SDK1: variants seen among roughly 807,000 people sequenced by gnomAD.
SDK1 encodes protein sidekick-1.
Under a neutral mutation model 245.5 loss-of-function variants are expected in SDK1, and 157 were observed. The observed-to-expected ratio is 0.64, with a 90% CI of 0.56 to 0.73. SDK1 has a LOEUF of 0.73. Ranked by LOEUF, SDK1 falls within the 30% of genes least tolerant of loss-of-function variation. The pLI is 0.00. For synonymous variants in SDK1, 1,647 were observed against 1,278.5 expected, an observed-to-expected ratio of 1.29 and a Z score of -6.15; for missense variants, 3,583 against 3,002.3, an observed-to-expected ratio of 1.19 and a Z score of -4.52.
intron 4 of SDK1, among the ~76,000 whole-genome samples, chr7:3,798,518 A>T (rs1021874257): frequency 6.6e-6 from 1 of 151,898 alleles, no homozygotes; most frequent in Admixed American, 6.6e-5. Flanking sequence ...CACCCAGCCA[A>T]ACTTGACACT....
At chr7:3,742,182 C>G (rs1779497648) in intron 4 of SDK1, among the ~76,000 whole-genome samples, 1 of 151,018 alleles carries the variant, frequency 6.6e-6, no homozygotes, top group South Asian at 2.1e-4. Flanking sequence ...TCTTCCCTTT[C>G]CTCCCCAATG....
chr7:3,446,103 A>G (rs1780334164), intron 1 of SDK1, among the ~76,000 whole-genome samples: 1 of 152,080 alleles, frequency 6.6e-6, no homozygotes, highest in Non-Finnish European at 1.5e-5. Context: ...TTAGTTTCTA[A>G]TGAGAAATTC....
At chr7:3,376,801 A>G (rs1305388088) in intron 1 of SDK1, among the ~76,000 whole-genome samples, 1 of 152,154 alleles carries the variant, frequency 6.6e-6, no homozygotes, top group Non-Finnish European at 1.5e-5. Context: ...ATACTGTTAA[A>G]AAAAAATCCC....
chr7:3,690,792 C>T (rs1279364531), intron 4 of SDK1, among the ~76,000 whole-genome samples: 2 of 152,174 alleles, frequency 1.3e-5, no homozygotes, highest in Non-Finnish European at 2.9e-5. Flanking sequence ...TTAATAAAAA[C>T]CATATGACTT....
intron 5 of SDK1, among the ~76,000 whole-genome samples, chr7:3,947,930 AG>A (rs1780644624): frequency 2.0e-5 from 3 of 152,074 alleles, no homozygotes; most frequent in African/African-American, 4.8e-5. Flanking sequence ...CCTTAGGGAG[AG>A]GGGGTATGGT....
chr7:3,616,553 C>A (rs543008287), intron 1 of SDK1, among the ~76,000 whole-genome samples: 2 of 152,350 alleles, frequency 1.3e-5, no homozygotes, highest in African/African-American at 4.8e-5. Flanking sequence ...TCCTGCATTT[C>A]ATCTCATCGA....
intron 4 of SDK1, among the ~76,000 whole-genome samples, chr7:3,801,340 C>G (rs1779101608): frequency 6.6e-6 from 1 of 152,144 alleles, no homozygotes; most frequent in Admixed American, 6.5e-5. Context: ...TATTCTCTTT[C>G]CAATGTCATT....
intron 4 of SDK1, among the ~76,000 whole-genome samples, chr7:3,647,133 C>A (rs567640320): frequency 6.6e-6 from 1 of 152,192 alleles, no homozygotes; most frequent in Non-Finnish European, 1.5e-5. Context: ...CACCTGTACT[C>A]CCAGCGCTCT....
At chr7:3,413,322 C>G (rs549652501) in intron 1 of SDK1, among the ~76,000 whole-genome samples, 24 of 152,266 alleles carry the variant, frequency 1.6e-4, no homozygotes, top group African/African-American at 5.5e-4. Context: ...GGGCAGGGGT[C>G]AGACCAAGTA....
In SDK1 at chr7:4,113,317, G is replaced by C; in HGVS notation, c.3463G>C (p.Gly1155Arg). Residue 1155 changes from glycine (G) to arginine (R), a missense_variant, in exon 24 of 45, where the codon GGG becomes CGG. Physicochemically the swap from Gly to Arg is moderately radical, Grantham distance 125. Transcript: ENST00000404826. ...TCGAATGAAGCAAGTGAACATTGTTGGGCCGAGCCCCTACAGTCCGTCTTC... is the reference window on the plus strand; with the variant it reads ...TCGAATGAAGCAAGTGAACATTGTTCGGCCGAGCCCCTACAGTCCGTCTTC... ...RFRMKQVNIV[G>R]PSPYSPSSRV... 1 of 1,613,824 alleles carries C rather than the reference G, an allele frequency of 6.2e-7. No homozygotes were observed. Among genetic ancestry groups the C allele is most frequent in the Non-Finnish European group, 8.5e-7 (1 of 1,179,944 alleles).
intron 1 of SDK1, among the ~76,000 whole-genome samples, chr7:3,418,733 G>A (rs905779543): frequency 1.4e-4 from 22 of 152,162 alleles, no homozygotes; most frequent in Non-Finnish European, 2.8e-4. Context: ...ACATAGTCCA[G>A]GATGTTCTAC....
In SDK1 at chr7:3,799,892, T is replaced by A. The variant is rs533498819; in HGVS notation, c.714-21558T>A. On this transcript the variant is annotated intron_variant, in intron 4 of 44. Coordinates refer to ENST00000404826, the MANE Select transcript of SDK1 (RefSeq NM_152744.4). ...TGAATACTTAGTTCATGGGGTTTTT[T>A]AAAATTTATTCTATGCTTTTCTTTC... Among the ~76,000 whole-genome samples, 79 of 152,232 alleles carry A rather than the reference T, an allele frequency of 5.2e-4. 1 individual carries two copies. The East Asian group carries it at 8.3e-3, about 16-fold the overall frequency.
intron 4 of SDK1, among the ~76,000 whole-genome samples, chr7:3,714,919 A>G (rs1045783417): frequency 1.3e-5 from 2 of 152,224 alleles, no homozygotes; most frequent in African/African-American, 4.8e-5. Context: ...GCTTTGAGAG[A>G]ATGCAATGTG....
chr7:3,494,935 C>T (rs949582740), intron 1 of SDK1, among the ~76,000 whole-genome samples: 4 of 152,218 alleles, frequency 2.6e-5, no homozygotes, highest in Non-Finnish European at 5.9e-5. Context: ...CATGACCTCC[C>T]TCTTGAGTTA....
chr7:3,905,204 C>G (rs1381531407), intron 5 of SDK1, among the ~76,000 whole-genome samples: 1 of 151,760 alleles, frequency 6.6e-6, no homozygotes, highest in Non-Finnish European at 1.5e-5. Context: ...TAAATAGCTA[C>G]TACGTGTTTG....
intron 44 of SDK1, among the ~76,000 whole-genome samples, chr7:4,253,504 A>G (rs986804901): frequency 2.6e-5 from 4 of 152,160 alleles, no homozygotes; most frequent in Admixed American, 1.3e-4. Flanking sequence ...CATAATTTAT[A>G]TATTTTCAGT....
chr7:4,050,604 G>A (rs936291027), intron 18 of SDK1, among the ~76,000 whole-genome samples: 6 of 152,116 alleles, frequency 3.9e-5, no homozygotes, highest in Non-Finnish European at 8.8e-5. Context: ...GCCAAAACAT[G>A]AACACGCTTT....
At chr7:4,238,642 G>A (rs1451740254) in intron 42 of SDK1, among the ~76,000 whole-genome samples, 2 of 151,292 alleles carry the variant, frequency 1.3e-5, no homozygotes, top group Admixed American at 6.6e-5. Context: ...TCCACCTCCT[G>A]GGTTCAAGCA....
At chr7:3,602,333 G>A (rs1343776181) in intron 1 of SDK1, among the ~76,000 whole-genome samples, 4 of 151,022 alleles carry the variant, frequency 2.6e-5, no homozygotes, top group Admixed American at 1.3e-4. Flanking sequence ...ATCCTCTCCA[G>A]CACCTGTTGT....
Sources: gnomAD v4.1 joint callset for allele counts (sites outside exome capture counted in the v4.1 genomes callset) on GRCh38, gnomAD v4.1.1 for gene constraint, MANE v1.5 for transcripts, NCBI Gene and HGNC (gene_info 2026-07-23, HGNC 2026-07-21) for gene names.